Variants in OPCML observed in about 807,000 individuals in gnomAD.
OPCML encodes the protein opioid binding protein/cell adhesion molecule like, also known as opioid-binding protein/cell adhesion molecule.
A neutral mutation model predicts 37.8 loss-of-function variants in OPCML; 13 were observed. That is an observed-to-expected ratio of 0.34 (90% CI 0.22 to 0.55). The LOEUF (loss-of-function observed/expected upper bound fraction) is 0.55, where lower values mean the gene tolerates loss of function less well. Among genes scored for constraint, OPCML ranks in the 20% least tolerant of loss-of-function variants. The pLI, the probability that OPCML is intolerant of heterozygous loss-of-function variation, is 0.91. For missense variants in OPCML, 341 were observed against 435.6 expected (o/e 0.78, Z 1.93); for synonymous variants, 176 against 168.8 (o/e 1.04, Z -0.33).
At chr11:133,241,333 A>G (rs1157355375) in intron 1 of OPCML, among the ~76,000 whole-genome samples, 1 of 152,232 alleles carries the variant, frequency 6.6e-6, no homozygotes, top group East Asian at 1.9e-4. Context: ...TATTCCCGAA[A>G]AATGAATTCA....
At chr11:133,331,259 A>C (rs1943613301) in intron 1 of OPCML, among the ~76,000 whole-genome samples, 1 of 152,196 alleles carries the variant, frequency 6.6e-6, no homozygotes, top group South Asian at 2.1e-4. Flanking sequence ...AAGTTGCAAA[A>C]GGAGGAAGAA....
intron 1 of OPCML, among the ~76,000 whole-genome samples, chr11:133,037,125 A>G (rs984783384): frequency 7.9e-5 from 12 of 152,166 alleles, no homozygotes; most frequent in African/African-American, 2.7e-4. Context: ...GGATAGTGAA[A>G]GGCTGAAAAT....
At chr11:132,637,924 G>T (rs1405029399) in intron 3 of OPCML, among the ~76,000 whole-genome samples, 1 of 152,078 alleles carries the variant, frequency 6.6e-6, no homozygotes. Flanking sequence ...CTTCTAATCT[G>T]CATTGGAAGA....
chr11:132,724,603 C>T (rs1041015562), intron 2 of OPCML, among the ~76,000 whole-genome samples: 4 of 152,160 alleles, frequency 2.6e-5, no homozygotes, highest in Admixed American at 1.3e-4. Context: ...CCAATCATGC[C>T]TTCCCAAGAG....
intron 2 of OPCML, among the ~76,000 whole-genome samples, chr11:132,683,480 C>A (rs1444426561): frequency 1.3e-5 from 2 of 152,162 alleles, no homozygotes; most frequent in Non-Finnish European, 2.9e-5. Flanking sequence ...AGTCACAAAA[C>A]CTAATATCAA....
At chr11:132,849,625 A>C (rs1351479846) in intron 2 of OPCML, among the ~76,000 whole-genome samples, 1 of 152,320 alleles carries the variant, frequency 6.6e-6, no homozygotes, top group East Asian at 1.9e-4. Flanking sequence ...ATCACCTGCA[A>C]GTAGAGACCT....
intron 1 of OPCML, among the ~76,000 whole-genome samples, chr11:133,504,288 A>G (rs118138141): frequency 6.6e-6 from 1 of 152,326 alleles, no homozygotes; most frequent in Non-Finnish European, 1.5e-5. Context: ...GCTAAGAAAT[A>G]CTTTTTGCAT....
intron 4 of OPCML, among the ~76,000 whole-genome samples, chr11:132,480,098 G>A (rs2096174039): frequency 1.3e-5 from 2 of 151,974 alleles, no homozygotes; most frequent in Admixed American, 1.3e-4. Context: ...TCAAACCAAA[G>A]GCAAAGAAGT....
At chr11:133,426,750 G>A (rs746757179) in intron 1 of OPCML, among the ~76,000 whole-genome samples, 4 of 152,188 alleles carry the variant, frequency 2.6e-5, no homozygotes, top group Non-Finnish European at 4.4e-5. Context: ...CCCTTCACAC[G>A]TGGTAGAAAG....
chr11:133,043,071 A>G (rs1947937156), intron 1 of OPCML, among the ~76,000 whole-genome samples: 1 of 152,094 alleles, frequency 6.6e-6, no homozygotes, highest in Non-Finnish European at 1.5e-5. Context: ...CACCCAGCAC[A>G]AACACACTTG....
In OPCML at chr11:133,292,856, A is replaced by G. The variant is rs145121445; in HGVS notation, c.61+239408T>C. 1.5e-3 allele frequency among the ~76,000 whole-genome samples: 227 copies of G among 152,296 alleles called. 5 individuals are homozygous for G. Among genetic ancestry groups the G allele is most frequent in the Middle Eastern group, 0.01 (3 of 294 alleles). Reference sequence around the variant, plus strand: ...GCTTGTGGCTCCTCATCATGATTCTAGAAATCAGTCTGCAACTAAAATTCA... The same window carrying G: ...GCTTGTGGCTCCTCATCATGATTCTGGAAATCAGTCTGCAACTAAAATTCA... On this transcript the variant is annotated intron_variant, in intron 1 of 7. Coordinates refer to ENST00000524381, the MANE Select transcript of OPCML (RefSeq NM_001012393.5).
intron 2 of OPCML, among the ~76,000 whole-genome samples, chr11:132,871,617 T>C (rs1005117355): frequency 1.3e-5 from 2 of 152,202 alleles, no homozygotes; most frequent in African/African-American, 4.8e-5. Context: ...TTATTGGTTA[T>C]GTCCACTGCT....
chr11:133,386,241 A>G (rs969867709), intron 1 of OPCML, among the ~76,000 whole-genome samples: 1 of 152,146 alleles, frequency 6.6e-6, no homozygotes, highest in African/African-American at 2.4e-5. Flanking sequence ...TCCTTTTTAC[A>G]TTTTCAGAAT....
At chr11:133,265,983 A>G (rs1330779065) in intron 1 of OPCML, among the ~76,000 whole-genome samples, 1 of 152,210 alleles carries the variant, frequency 6.6e-6, no homozygotes, top group Non-Finnish European at 1.5e-5. Flanking sequence ...CTCCGTTTAC[A>G]AAAGGAGAAG....
intron 4 of OPCML, among the ~76,000 whole-genome samples, chr11:132,441,229 G>T: frequency 7.5e-6 from 1 of 133,554 alleles, no homozygotes; most frequent in Non-Finnish European, 1.5e-5. Flanking sequence ...GTGCAGTGGC[G>T]GGATCTCGGC....
chr11:132,642,486 G>T (rs1940907687), intron 3 of OPCML, among the ~76,000 whole-genome samples: 1 of 152,176 alleles, frequency 6.6e-6, no homozygotes. Flanking sequence ...TTATTCCATT[G>T]TTATCCACAA....
rs7944715 is a variant in OPCML, at chr11:132,453,668, T to A, written c.506-16309A>T. Among the ~76,000 whole-genome samples the A allele has an allele frequency of 4.4e-3, 662 of 152,008 alleles. 7 individuals carry two copies. Among genetic ancestry groups the A allele is most frequent in the African/African-American group, 0.015 (617 of 41,446 alleles). The stretch of plus-strand genomic sequence containing the variant: ...ATGGTGATTAAGCCCCTCGGCAGGG[T>A]TTCGAGGACAGAGCAGATACTATTT... On this transcript the variant is annotated intron_variant, in intron 4 of 7. Coordinates refer to ENST00000524381, the MANE Select transcript of OPCML (RefSeq NM_001012393.5).
intron 1 of OPCML, among the ~76,000 whole-genome samples, chr11:133,119,780 C>T (rs1031350134): frequency 3.3e-5 from 5 of 152,122 alleles, no homozygotes; most frequent in African/African-American, 7.2e-5. Flanking sequence ...CAGAGGCTCA[C>T]GTGAAGTCAG....
chr11:132,964,640 T>C (rs775759346), intron 1 of OPCML, among the ~76,000 whole-genome samples: 1 of 152,154 alleles, frequency 6.6e-6, no homozygotes, highest in African/African-American at 2.4e-5. Context: ...TACCGCTTCC[T>C]CCTGCCCAGT....
Sources: allele counts gnomAD v4.1 joint callset (sites outside exome capture counted in the v4.1 genomes callset), GRCh38; gene constraint gnomAD v4.1.1; transcripts MANE v1.5; gene names NCBI Gene and HGNC (gene_info 2026-07-23, HGNC 2026-07-21).